HS3ST3A1: variants seen among roughly 807,000 people sequenced by gnomAD.
HS3ST3A1 encodes heparan sulfate-glucosamine 3-sulfotransferase 3A1.
Under a neutral mutation model 25.7 loss-of-function variants are expected in HS3ST3A1, and 19 were observed. That is an observed-to-expected ratio of 0.74 (90% CI 0.52 to 1.08). The LOEUF is 1.08. Ranked by LOEUF, HS3ST3A1 falls within the 50% of genes least tolerant of loss-of-function variation. The pLI, the probability that HS3ST3A1 is intolerant of heterozygous loss-of-function variation, is 0.00. For synonymous variants in HS3ST3A1, 226 were observed against 278.6 expected (o/e 0.81, Z 1.88); for missense variants, 459 against 594.3 (o/e 0.77, Z 2.37).
chr17:13,588,227 C>T (rs1450040433), intron 1 of HS3ST3A1, among the ~76,000 whole-genome samples: 2 of 151,886 alleles, frequency 1.3e-5, no homozygotes, highest in Non-Finnish European at 2.9e-5. Flanking sequence ...AAACACTGTA[C>T]CACCCACAAA....
chr17:13,600,603 G>A lies in HS3ST3A1; in HGVS notation c.527C>T (p.Pro176Leu). 6.2e-7 allele frequency: 1 copy of A among 1,600,210 alleles called. No individual in the cohort carries two copies. The part of the protein sequence containing the change: ...RALLEFLRVH[P>L]DVRAVGAEPH... ...CTCGGCGCCCACGGCGCGCACGTCG[G>A]GGTGCACGCGCAGGAACTCCAGCAG... The change falls in exon 1 of 2, where the codon CCC (proline) becomes CTC (leucine). Residue 176 changes from proline to leucine, a missense_variant. By Grantham distance (98) the Pro-to-Leu change is moderately conservative. Around this residue, in one of 3 missense-constraint regions of HS3ST3A1, gnomAD observed 346 missense variants for 303.9 expected, o/e 1.14. Coordinates refer to ENST00000284110, the MANE Select transcript of HS3ST3A1 (RefSeq NM_006042.3).
intron 1 of HS3ST3A1, among the ~76,000 whole-genome samples, chr17:13,574,232 C>A (rs1598430321): frequency 6.7e-6 from 1 of 150,152 alleles, no homozygotes; most frequent in Non-Finnish European, 1.5e-5. Context: ...CTCCCGGGTT[C>A]AAGTGATTCT....
intron 1 of HS3ST3A1, among the ~76,000 whole-genome samples, chr17:13,544,975 C>A (rs1352772981): frequency 6.6e-6 from 1 of 152,196 alleles, no homozygotes; most frequent in African/African-American, 2.4e-5. Flanking sequence ...ATTCTCAGCA[C>A]CCTTGTCAGA....
At chr17:13,500,223 G>A (rs1309929908) in intron 1 of HS3ST3A1, among the ~76,000 whole-genome samples, 1 of 152,144 alleles carries the variant, frequency 6.6e-6, no homozygotes, top group Non-Finnish European at 1.5e-5. Context: ...CTATAACTTG[G>A]AAATTGTTCT....
intron 1 of HS3ST3A1, among the ~76,000 whole-genome samples, chr17:13,530,090 G>A (rs1906559280): frequency 6.6e-6 from 1 of 151,912 alleles, no homozygotes; most frequent in Admixed American, 6.6e-5. Context: ...AAGACCAGGG[G>A]CTTGATCTCA....
At chr17:13,550,111 A>G (rs1343777207) in intron 1 of HS3ST3A1, among the ~76,000 whole-genome samples, 1 of 152,238 alleles carries the variant, frequency 6.6e-6, no homozygotes, top group Non-Finnish European at 1.5e-5. Context: ...CACACAGCAT[A>G]TACAAGTTTA....
At chr17:13,510,709 T>C (rs1162777112) in intron 1 of HS3ST3A1, among the ~76,000 whole-genome samples, 2 of 70,122 alleles carry the variant, frequency 2.9e-5, no homozygotes, top group African/African-American at 4.2e-5. Context: ...GTGTCCTTGA[T>C]TTTTTTTTTT....
chr17:13,579,696 A>G, intron 1 of HS3ST3A1, among the ~76,000 whole-genome samples: 1 of 104,658 alleles, frequency 9.6e-6, no homozygotes, highest in Non-Finnish European at 1.9e-5. Context: ...GCCAGACTCC[A>G]TCTCCAAAAA....
chr17:13,531,079 T>C (rs1906590479), intron 1 of HS3ST3A1, among the ~76,000 whole-genome samples: 1 of 151,082 alleles, frequency 6.6e-6, no homozygotes, highest in South Asian at 2.1e-4. Flanking sequence ...AATCCATGTA[T>C]TGCATGAGCT....
intron 1 of HS3ST3A1, among the ~76,000 whole-genome samples, chr17:13,508,536 C>G (rs896204340): frequency 2.0e-5 from 3 of 152,170 alleles, no homozygotes; most frequent in African/African-American, 7.2e-5. Flanking sequence ...CTCTTAGAAA[C>G]AGTAAAAATA....
intron 1 of HS3ST3A1, among the ~76,000 whole-genome samples, chr17:13,572,788 C>T (rs1315247223): frequency 6.6e-6 from 1 of 152,164 alleles, no homozygotes; most frequent in African/African-American, 2.4e-5. Context: ...CCAGAAACCA[C>T]AGGAAAATAA....
intron 1 of HS3ST3A1, among the ~76,000 whole-genome samples, chr17:13,558,182 G>A (rs913467319): frequency 6.6e-6 from 1 of 152,140 alleles, no homozygotes; most frequent in African/African-American, 2.4e-5. Flanking sequence ...GGGAGGCTGA[G>A]ATAGGAGAAT....
intron 1 of HS3ST3A1, among the ~76,000 whole-genome samples, chr17:13,569,472 A>C (rs1907750920): frequency 6.6e-6 from 1 of 152,222 alleles, no homozygotes; most frequent in Admixed American, 6.5e-5. Flanking sequence ...CAAGCTCCAC[A>C]TGCATTGCTG....
At chr17:13,565,551 TA>T (rs938390125) in intron 1 of HS3ST3A1, among the ~76,000 whole-genome samples, 6 of 140,852 alleles carry the variant, frequency 4.3e-5, no homozygotes, top group African/African-American at 1.5e-4. Context: ...AATAAGTAAG[TA>T]AAATAAAAAA....
intron 1 of HS3ST3A1, among the ~76,000 whole-genome samples, chr17:13,570,575 G>T (rs1907777152): frequency 6.6e-6 from 1 of 152,090 alleles, no homozygotes; most frequent in African/African-American, 2.4e-5. Flanking sequence ...AACCTCCTAG[G>T]CTCAAAGTGA....
intron 1 of HS3ST3A1, among the ~76,000 whole-genome samples, chr17:13,554,553 C>T (rs1315991538): frequency 6.6e-6 from 1 of 152,190 alleles, no homozygotes; most frequent in Non-Finnish European, 1.5e-5. Context: ...GTGCTCAAGG[C>T]AGCTCAGTGC....
At chr17:13,555,031 T>C (rs1042707729) in intron 1 of HS3ST3A1, among the ~76,000 whole-genome samples, 1 of 152,112 alleles carries the variant, frequency 6.6e-6, no homozygotes, top group African/African-American at 2.4e-5. Context: ...CTCACAGACA[T>C]TTCAGTCTAG....
chr17:13,535,750 C>G (rs148643587), intron 1 of HS3ST3A1, among the ~76,000 whole-genome samples: 1 of 152,086 alleles, frequency 6.6e-6, no homozygotes, highest in Non-Finnish European at 1.5e-5. Flanking sequence ...TAAAAAAAAT[C>G]TTTCTTAAAA....
intron 1 of HS3ST3A1, among the ~76,000 whole-genome samples, chr17:13,553,616 T>G (rs763834707): frequency 6.6e-6 from 1 of 152,230 alleles, no homozygotes; most frequent in Non-Finnish European, 1.5e-5. Context: ...TGTCTTCGAT[T>G]TGATTCCTTA....
Sources: gnomAD v4.1 joint callset for allele counts (sites outside exome capture counted in the v4.1 genomes callset) on GRCh38, gnomAD v4.1.1 for gene constraint, gnomAD v4.1.1 regional missense constraint, MANE v1.5 for transcripts, NCBI Gene and HGNC (gene_info 2026-07-23, HGNC 2026-07-21) for gene names.